The following PKHD1L1 variants were observed in gnomAD, a reference collection of about 807,000 sequenced individuals.
PKHD1L1 encodes the protein PKHD1 like 1.
Under a neutral mutation model 462.9 loss-of-function variants are expected in PKHD1L1, and 434 were observed. The ratio of observed to expected loss-of-function variants is 0.94; its 90% CI spans 0.87 to 1.02. The LOEUF (loss-of-function observed/expected upper bound fraction) is 1.02. PKHD1L1 is among the 50% of genes least tolerant of loss of function. The probability of loss-of-function intolerance (pLI) is 0.00; values close to 1 mark genes in which losing one functional copy is unlikely to be tolerated. For missense variants in PKHD1L1, 5,202 were observed against 5,096.1 expected, an observed-to-expected ratio of 1.02 and a Z score of -0.63; for synonymous variants, 1,781 against 1,750.0, an observed-to-expected ratio of 1.02 and a Z score of -0.44.
At chr8:109,486,273 C>T (rs1439657534) in intron 58 of PKHD1L1, among the ~76,000 whole-genome samples, 3 of 151,914 alleles carry the variant, frequency 2.0e-5, no homozygotes, top group Non-Finnish European at 4.4e-5. Context: ...AATTCTTTTA[C>T]TTCTCTACCT....
rs112360018 is a variant in PKHD1L1, at chr8:109,531,320, T to C, written c.*1230T>C. The stretch of plus-strand genomic sequence containing the variant: ...GAGCAGTATCTGTTGGGTGTTCTAG[T>C]AAGTAGGAAGGCTACAAGAAATAAG... On this transcript the variant is annotated 3_prime_UTR_variant, in exon 78 of 78. Transcript: ENST00000378402. Among the ~76,000 whole-genome samples the C allele has an allele frequency of 7.6e-3, 1,150 of 152,310 alleles. 4 individuals carry two copies. The highest frequency in any genetic ancestry group is 0.014 in the Middle Eastern group (4 of 294).
At position 109,518,278 on chromosome 8, in the gene PKHD1L1, C is replaced by G; in HGVS notation, c.11801C>G (p.Thr3934Ser). Reference protein sequence around the residue: ...VKGTIPVEIHTATVIFVSFQL... With the variant: ...VKGTIPVEIHSATVIFVSFQL... The stretch of plus-strand genomic sequence containing the variant: ...GGAACTATACCTGTTGAAATTCACA[C>G]TGCCACAGTGATATTTGTTTCTTTC... Residue 3934 changes from threonine (T) to serine (S), a missense_variant, in exon 73 of 78, where the codon ACT becomes AGT. Coordinates refer to ENST00000378402, the MANE Select transcript of PKHD1L1 (RefSeq NM_177531.6). The G allele has an allele frequency of 1.2e-6, 2 of 1,611,404 alleles. No homozygotes were observed. Among genetic ancestry groups the G allele is most frequent in the Non-Finnish European group, 1.7e-6 (2 of 1,177,778 alleles).
At position 109,451,111 on chromosome 8, in the gene PKHD1L1, A is replaced by AG. The variant is rs1164600471; in HGVS notation, c.6317dup (p.Thr2107HisfsTer12). On this transcript the variant is annotated frameshift_variant, in exon 41 of 78. Transcript: ENST00000378402. LOFTEE classifies it high-confidence loss of function. ...TATCTCCTAAGAGAGGCAGTACAGC[A>AG]GGGGGCACCAGACTGACAGTCGTGG... is the stretch of plus-strand genomic sequence containing the variant. 1 of 1,612,634 alleles carries AG rather than the reference A, an allele frequency of 6.2e-7. No homozygotes were observed. The highest frequency in any genetic ancestry group is 8.5e-7 in the Non-Finnish European group (1 of 1,179,064).
chr8:109,388,647 G>T, intron 7 of PKHD1L1, 97 bp downstream of exon 7: 1 of 815,274 alleles, frequency 1.2e-6, no homozygotes, highest in Admixed American at 2.7e-5. Flanking sequence ...ATAGCTAAAT[G>T]GTTTATAATA....
In PKHD1L1 at chr8:109,410,175, T is replaced by G. The variant is rs138580592; in HGVS notation, c.2085+197T>G. The stretch of plus-strand genomic sequence containing the variant: ...GTACTGCCGTCTATGATTCGTTTGT[T>G]AAAAAATTTTTACTACTCATGAATT... On this transcript the variant is annotated intron_variant, in intron 19 of 77. Coordinates refer to ENST00000378402, the MANE Select transcript of PKHD1L1 (RefSeq NM_177531.6). Among the ~76,000 whole-genome samples the G allele has an allele frequency of 5.9e-5, 9 of 152,322 alleles. No homozygotes were observed. The East Asian group carries it at 1.7e-3, about 29-fold the overall frequency.
chr8:109,525,638 G>T (rs1820777958), intron 76 of PKHD1L1, among the ~76,000 whole-genome samples: 1 of 152,076 alleles, frequency 6.6e-6, no homozygotes, highest in African/African-American at 2.4e-5. Flanking sequence ...CATAAGGCTA[G>T]CTTGGGCTTC....
intron 77 of PKHD1L1, among the ~76,000 whole-genome samples, chr8:109,529,017 G>A (rs1221153690): frequency 1.3e-5 from 2 of 152,210 alleles, no homozygotes; most frequent in Admixed American, 6.5e-5. Flanking sequence ...TAATAAAGTC[G>A]AGGAAGAATT....
intron 37 of PKHD1L1, among the ~76,000 whole-genome samples, 180 bp from the exon 38 acceptor site, chr8:109,444,481 A>G (rs1158676102): frequency 1.3e-5 from 2 of 152,224 alleles, no homozygotes; most frequent in East Asian, 3.8e-4. Context: ...CATTTATGTA[A>G]AAATCATAAT....
At chr8:109,527,130 G>A (rs1053830381) in intron 77 of PKHD1L1, 110 bp downstream of exon 77, 1 of 944,018 alleles carries the variant, frequency 1.1e-6, no homozygotes, top group Non-Finnish European at 1.6e-6. Flanking sequence ...TGTGCACAAA[G>A]AGAAAGTAAC....
rs762465430 is a variant in PKHD1L1 at position 109,464,314 on chromosome 8, A to G, written c.7482A>G (p.Ala2494=). 7 of 1,613,328 alleles carry G rather than the reference A, an allele frequency of 4.3e-6. No individual in the cohort carries two copies. The highest frequency in any genetic ancestry group is 5.1e-6 in the Non-Finnish European group (6 of 1,179,576). The change falls in exon 49 of 78, where the codon GCA becomes GCG. Residue 2494 remains alanine, a synonymous_variant. Coordinates refer to ENST00000378402, the MANE Select transcript of PKHD1L1 (RefSeq NM_177531.6). ...TTAAATCTTATGTAAGAGGCTGTGC[A>G]ATTCACCAGGCCTATAACAGAGCTG... The part of the protein sequence containing the change: ...LQFKSYVRGC[A]IHQAYNRAVT...
At chr8:109,374,766 G>A (rs969150215) in intron 2 of PKHD1L1, among the ~76,000 whole-genome samples, 10 of 152,056 alleles carry the variant, frequency 6.6e-5, no homozygotes, top group African/African-American at 2.2e-4. Flanking sequence ...ATGAAGCTTA[G>A]TTTGGCTGGA....
chr8:109,518,486 G>A lies in PKHD1L1; in HGVS notation c.12009G>A (p.Gln4003=), dbSNP rs1431178799. Residue 4003 remains glutamine (Q), a synonymous_variant, in exon 73 of 78, where the codon CAG becomes CAA. Transcript: ENST00000378402. ...IEIEIGDPPI[Q]FISNGTTGQM... The stretch of plus-strand genomic sequence containing the variant: ...TAGAGATTGGAGACCCTCCTATTCA[G>A]TTCATAAGCAATGGCACCACAGGTA... 5 of 1,601,462 alleles carry A rather than the reference G, an allele frequency of 3.1e-6. No individual in the cohort carries two copies.
Position 109,430,008 on chromosome 8 carries a change from C to G in PKHD1L1, c.3200C>G (p.Pro1067Arg), listed in dbSNP as rs368362467. 2.5e-6 allele frequency: 4 copies of G among 1,609,784 alleles called. No individual in the cohort carries two copies. The highest frequency in any genetic ancestry group is 3.4e-6 in the Non-Finnish European group (4 of 1,178,538). ...TTTACATGGGATTCCAACATTACTC[C>G]CCTAGTCTTGGCGATAAGCCCTTCT... is the stretch of plus-strand genomic sequence containing the variant. ...CGFTWDSNIT[P>R]LVLAISPSQG... Residue 1067 changes from proline to arginine, a missense_variant, in exon 27 of 78, where the codon CCC (proline) becomes CGC (arginine). By Grantham distance (103) the Pro-to-Arg change is moderately radical. Transcript: ENST00000378402.
intron 23 of PKHD1L1, among the ~76,000 whole-genome samples, chr8:109,424,499 G>T (rs180748240): frequency 8.0e-4 from 121 of 152,110 alleles, no homozygotes; most frequent in African/African-American, 2.9e-3. Context: ...ATAACTATAA[G>T]GTATCATCAA....
At chr8:109,499,767 T>A (rs1819307787) in intron 67 of PKHD1L1, among the ~76,000 whole-genome samples, 1 of 152,134 alleles carries the variant, frequency 6.6e-6, no homozygotes, top group South Asian at 2.1e-4. Context: ...TTGGAACACC[T>A]AGTAGAAAGG....
intron 11 of PKHD1L1, among the ~76,000 whole-genome samples, chr8:109,397,183 G>T (rs918230900): frequency 6.6e-6 from 1 of 152,104 alleles, no homozygotes; most frequent in African/African-American, 2.4e-5. Context: ...TATGAAAAGA[G>T]AACATATTAG....
chr8:109,403,065 A>G (rs979140706), intron 14 of PKHD1L1, among the ~76,000 whole-genome samples: 1 of 152,172 alleles, frequency 6.6e-6, no homozygotes, highest in African/African-American at 2.4e-5. Context: ...GGTTTTGGAA[A>G]ATGAGTTCAG....
At chr8:109,449,955 T>C (rs531977591) in intron 40 of PKHD1L1, among the ~76,000 whole-genome samples, 15 of 152,228 alleles carry the variant, frequency 9.9e-5, no homozygotes, top group Non-Finnish European at 2.1e-4. Flanking sequence ...TCTACTGGAC[T>C]GTTGTCAGGT....
chr8:109,527,032 C>A lies in PKHD1L1; in HGVS notation c.12721+12C>A. 1 of 1,571,762 alleles carries A rather than the reference C, an allele frequency of 6.4e-7. No homozygotes were observed. The highest frequency in any genetic ancestry group is 8.7e-7 in the Non-Finnish European group (1 of 1,145,582). ...GAATATAACTTTAAGTAAGTACAGT[C>A]CATTAATACATTATTTCTCCACATG... On this transcript the variant is annotated intron_variant, in intron 77 of 77. Coordinates refer to ENST00000378402, the MANE Select transcript of PKHD1L1 (RefSeq NM_177531.6).
Sources: gnomAD v4.1 joint callset for allele counts (sites outside exome capture counted in the v4.1 genomes callset) on GRCh38, gnomAD v4.1.1 for gene constraint, MANE v1.5 for transcripts, NCBI Gene and HGNC (gene_info 2026-07-23, HGNC 2026-07-21) for gene names.